SLC15A5: variants seen among roughly 807,000 people sequenced by gnomAD.
SLC15A5 encodes the protein solute carrier family 15 member 5.
In SLC15A5, 58 loss-of-function variants were observed where a neutral mutation model predicts 56.1. That is an observed-to-expected ratio of 1.03 (90% confidence interval 0.84 to 1.29). The LOEUF (loss-of-function observed/expected upper bound fraction) is 1.29, where lower values mean the gene tolerates loss of function less well. Ranked by LOEUF, SLC15A5 falls within the 50% of genes most tolerant of loss-of-function variation. The probability of loss-of-function intolerance (pLI) is 0.00; values close to 1 mark genes in which losing one functional copy is unlikely to be tolerated. For synonymous variants in SLC15A5, 264 were observed against 250.5 expected (o/e 1.05, Z -0.51); for missense variants, 681 against 672.1 (o/e 1.01, Z -0.15).
chr12:16,212,305 G>T (rs1231518689), intron 7 of SLC15A5, among the ~76,000 whole-genome samples: 1 of 152,074 alleles, frequency 6.6e-6, no homozygotes, highest in Non-Finnish European at 1.5e-5. Flanking sequence ...GAAAAGTGAA[G>T]TACAATTTCC....
chr12:16,251,282 A>C (rs545791194), intron 3 of SLC15A5, among the ~76,000 whole-genome samples: 14 of 152,054 alleles, frequency 9.2e-5, no homozygotes, highest in African/African-American at 3.4e-4. Flanking sequence ...CACCTCAAGG[A>C]ACTAGAGAAA....
chr12:16,256,703 C>CA (rs1864576801), intron 3 of SLC15A5, among the ~76,000 whole-genome samples: 1 of 151,696 alleles, frequency 6.6e-6, no homozygotes, highest in African/African-American at 2.4e-5. Flanking sequence ...ACTAAAAATA[C>CA]AAAAAATTAG....
At chr12:16,191,716 C>G (rs1863839805) in intron 8 of SLC15A5, among the ~76,000 whole-genome samples, 1 of 152,096 alleles carries the variant, frequency 6.6e-6, no homozygotes. Context: ...AGGTTTCATA[C>G]TGTGTCTTGC....
chr12:16,215,674 A>G (rs1864125007), intron 7 of SLC15A5, among the ~76,000 whole-genome samples: 1 of 152,212 alleles, frequency 6.6e-6, no homozygotes, highest in Admixed American at 6.5e-5. Context: ...AATTCCAGGT[A>G]GCACACGGCC....
chr12:16,228,962 G>T (rs375350936), intron 5 of SLC15A5, among the ~76,000 whole-genome samples: 1 of 152,062 alleles, frequency 6.6e-6, no homozygotes, highest in Non-Finnish European at 1.5e-5. Context: ...CAACCCCTGC[G>T]TTGTTCAAGG....
Position 16,196,392 on chromosome 12 carries a change from ATG to A in SLC15A5, c.1484-1941_1484-1940del, listed in dbSNP as rs140194923. 1.9e-4 allele frequency among the ~76,000 whole-genome samples: 28 copies of A among 151,282 alleles called. No homozygotes were observed. The East Asian group carries it at 4.1e-3, about 22-fold the overall frequency. ...TATATGTGTGCTTTTGTGTGTGTGC[ATG>A]TGTGTGTGTGTGCCCGTGCATGTGT... On this transcript the variant is annotated intron_variant, in intron 7 of 8. Coordinates refer to ENST00000344941, the MANE Select transcript of SLC15A5 (RefSeq NM_001170798.1). This position sits in a 1 kb window ranked among gnomAD's most constrained non-coding sequence, Gnocchi z 4.0.
intron 2 of SLC15A5, 60 bp from the exon 3 acceptor site, chr12:16,257,930 C>A: frequency 7.8e-7 from 1 of 1,280,444 alleles, no homozygotes; most frequent in Admixed American, 3.9e-5. Flanking sequence ...ATAACTATTG[C>A]TAATTTTAAT....
At chr12:16,247,523 G>A (rs1864473973) in intron 3 of SLC15A5, among the ~76,000 whole-genome samples, 1 of 152,174 alleles carries the variant, frequency 6.6e-6, no homozygotes, top group African/African-American at 2.4e-5. Context: ...GTTCTATGAT[G>A]AAAACACAGT....
intron 5 of SLC15A5, 32 bp downstream of exon 5, chr12:16,239,649 C>T (rs574829223): frequency 8.5e-5 from 129 of 1,522,620 alleles, no homozygotes; most frequent in Middle Eastern, 5.1e-4. Context: ...AAGTTTCAAA[C>T]GATTCGCATG....
chr12:16,245,775 T>C (rs1864455462), intron 3 of SLC15A5, among the ~76,000 whole-genome samples: 1 of 152,232 alleles, frequency 6.6e-6, no homozygotes, highest in South Asian at 2.1e-4. Context: ...ACTCAAAGTA[T>C]AGTTTGAAAG....
chr12:16,238,759 T>G (rs1040596243), intron 5 of SLC15A5, among the ~76,000 whole-genome samples: 1 of 152,160 alleles, frequency 6.6e-6, no homozygotes, highest in Non-Finnish European at 1.5e-5. Flanking sequence ...TTGCATGATA[T>G]TACTTAAGAA....
chr12:16,275,062 T>C (rs1864802181), intron 1 of SLC15A5, among the ~76,000 whole-genome samples: 1 of 152,018 alleles, frequency 6.6e-6, no homozygotes, highest in African/African-American at 2.4e-5. Flanking sequence ...CTGAAGGAAA[T>C]GTTGAGTCCA....
chr12:16,254,029 A>T (rs551885432), intron 3 of SLC15A5, among the ~76,000 whole-genome samples: 10 of 152,148 alleles, frequency 6.6e-5, no homozygotes, highest in Non-Finnish European at 1.3e-4. Context: ...AGCTAGACAC[A>T]TCCCACATGT....
At chr12:16,217,078 T>C (rs1042660709) in intron 6 of SLC15A5, 54 bp from the exon 7 acceptor site, 4 of 1,475,280 alleles carry the variant, frequency 2.7e-6, no homozygotes, top group African/African-American at 2.8e-5. Flanking sequence ...AATGCTTTCA[T>C]AGAGACTGTT....
intron 7 of SLC15A5, among the ~76,000 whole-genome samples, chr12:16,208,557 C>T (rs2136242979): frequency 6.6e-6 from 1 of 152,238 alleles, no homozygotes; most frequent in East Asian, 1.9e-4. Context: ...TACGGTCCTA[C>T]TCCGGAGACT....
intron 3 of SLC15A5, among the ~76,000 whole-genome samples, chr12:16,257,368 A>G (rs760660414): frequency 6.6e-6 from 1 of 152,196 alleles, no homozygotes; most frequent in Non-Finnish European, 1.5e-5. Context: ...GGTGAGGTTC[A>G]TGTATAGTCT....
chr12:16,270,747 T>G (rs1372305914), intron 2 of SLC15A5, among the ~76,000 whole-genome samples: 2 of 152,174 alleles, frequency 1.3e-5, no homozygotes, highest in Non-Finnish European at 2.9e-5. Flanking sequence ...GCTGTCTGGT[T>G]GCCCAGTGGA....
chr12:16,223,721 CT>C (rs5796657), intron 6 of SLC15A5, among the ~76,000 whole-genome samples: 73,595 of 146,494 alleles, frequency 0.5, 18,687 homozygotes, highest in South Asian at 0.73. Context: ...TATAAATGAG[CT>C]TTTTTTTTTT....
At chr12:16,192,513 A>T (rs561369488) in intron 8 of SLC15A5, among the ~76,000 whole-genome samples, 1 of 152,072 alleles carries the variant, frequency 6.6e-6, no homozygotes, top group East Asian at 1.9e-4. Context: ...TAGTTCCACA[A>T]TCAGAGAGAA....
Sources: allele counts gnomAD v4.1 joint callset (sites outside exome capture counted in the v4.1 genomes callset), GRCh38; gene constraint gnomAD v4.1.1; non-coding constraint Gnocchi (gnomAD v3.1); transcripts MANE v1.5; gene names NCBI Gene and HGNC (gene_info 2026-07-23, HGNC 2026-07-21).